The following ZAN variants were observed in gnomAD, a reference collection of about 807,000 sequenced individuals.
The protein encoded by ZAN is zonadhesin (gene/pseudogene).
Under a neutral mutation model 286.2 loss-of-function variants are expected in ZAN, and 260 were observed. The ratio of observed to expected loss-of-function variants is 0.91; its 90% CI spans 0.82 to 1.01. The LOEUF is 1.01. Ranked by LOEUF, ZAN falls within the 50% of genes least tolerant of loss-of-function variation. ZAN has a pLI of 0.00. For synonymous variants in ZAN, 1,368 were observed against 1,417.5 expected (o/e 0.97, Z 0.79); for missense variants, 3,410 against 3,639.2 (o/e 0.94, Z 1.62).
intron 42 of ZAN, among the ~76,000 whole-genome samples, chr7:100,792,998 G>GA (rs1233962121): frequency 1.0e-5 from 1 of 95,376 alleles, no homozygotes; most frequent in Non-Finnish European, 2.4e-5. Flanking sequence ...AAAAAAAAAA[G>GA]AAAGAAAGAA....
chr7:100,759,848 G>A lies in ZAN; in HGVS notation c.3696+3G>A. ...TGCTTAAGGGCAGACGCACTCTGGT[G>A]AGCCCCATTCCACCCCCACCATCCT... On this transcript the variant is annotated splice_donor_region_variant and intron_variant, in intron 18 of 47. Coordinates refer to ENST00000613979, the MANE Select transcript of ZAN (RefSeq NM_003386.3). 1 of 1,612,278 alleles carries A rather than the reference G, an allele frequency of 6.2e-7. No individual in the cohort carries two copies. The highest frequency in any genetic ancestry group is 1.1e-5 in the South Asian group (1 of 90,714).
In ZAN at chr7:100,792,391, CCT is replaced by C; in HGVS notation, c.7713-9_7713-8del. ...CAAACTGACTGTGCCCTTCCTGCCC[CCT>C]CTCTGCACCAGGCACTGCGTGCTGG... is the stretch of plus-strand genomic sequence containing the variant. On this transcript the variant is annotated splice_polypyrimidine_tract_variant and intron_variant, in intron 41 of 47. Transcript: ENST00000613979. 2 of 1,596,996 alleles carry C rather than the reference CCT, an allele frequency of 1.3e-6. No individual in the cohort carries two copies. The highest frequency in any genetic ancestry group is 2.2e-5 in the South Asian group (2 of 89,578).
intron 11 of ZAN, among the ~76,000 whole-genome samples, chr7:100,749,652 ATATAT>A (rs1440697958): frequency 4.8e-5 from 5 of 104,656 alleles, no homozygotes; most frequent in South Asian, 3.1e-4. Context: ...AAAAAAAAAA[ATATAT>A]ATATATATAT....
At chr7:100,744,449 A>G (rs1219357634) in intron 7 of ZAN, among the ~76,000 whole-genome samples, 1 of 150,766 alleles carries the variant, frequency 6.6e-6, no homozygotes, top group Non-Finnish European at 1.5e-5. Flanking sequence ...AATACAAAAA[A>G]TTAGCTGGGC....
intron 29 of ZAN, among the ~76,000 whole-genome samples, chr7:100,773,017 G>A (rs992733784): frequency 1.3e-5 from 2 of 151,460 alleles, no homozygotes; most frequent in Non-Finnish European, 2.9e-5. Context: ...GACTACAGGC[G>A]TGTGCCACCC....
chr7:100,739,610 C>T (rs1289168215), intron 7 of ZAN, among the ~76,000 whole-genome samples: 1 of 135,532 alleles, frequency 7.4e-6, no homozygotes, highest in Admixed American at 7.2e-5. Flanking sequence ...TCCCAAAGTG[C>T]TGGGATTACA....
At chr7:100,758,503 C>T in intron 16 of ZAN, 28 bp from the exon 17 acceptor site, 1 of 1,554,460 alleles carries the variant, frequency 6.4e-7, no homozygotes, top group South Asian at 1.2e-5. Flanking sequence ...ACAGAAGCAG[C>T]TTCGCCTGTT....
At chr7:100,757,011 G>T (rs1206256940) in intron 15 of ZAN, among the ~76,000 whole-genome samples, 1 of 152,032 alleles carries the variant, frequency 6.6e-6, no homozygotes, top group East Asian at 1.9e-4. Flanking sequence ...CAGGCGATCC[G>T]CCCGCCTCAG....
chr7:100,784,860 G>T, intron 36 of ZAN, 26 bp downstream of exon 36: 1 of 1,557,348 alleles, frequency 6.4e-7, no homozygotes. Flanking sequence ...AAATGGGACT[G>T]GAGGCAACAC....
chr7:100,796,716 A>G (rs1302544275), intron 45 of ZAN, among the ~76,000 whole-genome samples: 1 of 152,118 alleles, frequency 6.6e-6, no homozygotes, highest in Non-Finnish European at 1.5e-5. Context: ...GTGCCCAACC[A>G]GAATCTGCAT....
rs779401905 is a variant in ZAN, at chr7:100,791,954, T to C, written c.7530-12T>C. 12 of 1,603,294 alleles carry C rather than the reference T, an allele frequency of 7.5e-6. 1 individual carries two copies. In the Middle Eastern group the frequency reaches 1.2e-3, roughly 160 times the overall value. ...GGGGCCTCACCTGACCCCGTGGCTGTCTCTACTGCAGGGCTATACCAGCGG... is the reference window on the plus strand; with the variant it reads ...GGGGCCTCACCTGACCCCGTGGCTGCCTCTACTGCAGGGCTATACCAGCGG... On this transcript the variant is annotated splice_polypyrimidine_tract_variant and intron_variant, in intron 40 of 47. Transcript: ENST00000613979.
intron 44 of ZAN, among the ~76,000 whole-genome samples, 181 bp downstream of exon 44, chr7:100,794,439 C>T (rs537610709): frequency 2.0e-4 from 31 of 152,252 alleles, no homozygotes; most frequent in African/African-American, 6.7e-4. Flanking sequence ...CATGACCTAC[C>T]GAATCCTTCC....
At chr7:100,771,679 A>C (rs1434232346) in intron 28 of ZAN, among the ~76,000 whole-genome samples, 165 bp from the exon 29 acceptor site, 1 of 151,728 alleles carries the variant, frequency 6.6e-6, no homozygotes, top group Non-Finnish European at 1.5e-5. Context: ...TGATCTGCCC[A>C]CCTCGGCCTC....
rs1219931893 is a variant in ZAN, at chr7:100,795,252, GCCA to G, written c.8185_8187del (p.Thr2729del). On this transcript the variant is annotated inframe_deletion, in exon 45 of 48. Coordinates refer to ENST00000613979, the MANE Select transcript of ZAN (RefSeq NM_003386.3). ...TGACGGGCAGTGTCGGGAGCAGGGA[GCCA>G]CCTTCACCTGCGAGTGTGAAGTTGG... 2 of 1,611,338 alleles carry G rather than the reference GCCA, an allele frequency of 1.2e-6. No individual in the cohort carries two copies. Among genetic ancestry groups the G allele is most frequent in the South Asian group, 2.2e-5 (2 of 90,710 alleles).
chr7:100,776,169 T>A (rs1810768214), intron 33 of ZAN, among the ~76,000 whole-genome samples: 1 of 150,958 alleles, frequency 6.6e-6, no homozygotes, highest in Non-Finnish European at 1.5e-5. Context: ...AAAAAAAAAA[T>A]TAGTTGGGGG....
In ZAN at chr7:100,768,032, C is replaced by T. The variant is rs761845629; in HGVS notation, c.5041+21C>T. ...GTGTGGTGAGTTTCCTGGGCACCTG[C>T]GGGGAAAGCTGGGACAATGAGTAGG... On this transcript the variant is annotated intron_variant, in intron 26 of 47. Coordinates refer to ENST00000613979, the MANE Select transcript of ZAN (RefSeq NM_003386.3). The T allele has an allele frequency of 1.6e-5, 25 of 1,600,672 alleles. No individual in the cohort carries two copies. In the Middle Eastern group the frequency reaches 8.3e-4, roughly 53 times the overall value.
At position 100,746,656 on chromosome 7, in the gene ZAN, G is replaced by A. The variant is rs201441430; in HGVS notation, c.885G>A (p.Arg295=). The A allele has an allele frequency of 2.5e-6, 4 of 1,613,806 alleles. No individual in the cohort carries two copies. In the South Asian group the frequency reaches 3.3e-5, roughly 13 times the overall value. Reference sequence around the variant, plus strand: ...GCTTTTCCTTCCACTACATCCTCCGGGGCCAGTCTCCTGGTGCAGCCCTCC... The same window carrying A: ...GCTTTTCCTTCCACTACATCCTCCGAGGCCAGTCTCCTGGTGCAGCCCTCC... The part of the protein sequence containing the change: ...CLSFSFHYIL[R]GQSPGAALHI... The change falls in exon 8 of 48, where the codon CGG becomes CGA. Residue 295 remains arginine, a synonymous_variant. Coordinates refer to ENST00000613979, the MANE Select transcript of ZAN (RefSeq NM_003386.3).
chr7:100,752,476 A>G lies in ZAN; in HGVS notation c.2371A>G (p.Thr791Ala). The change falls in exon 14 of 48, where the codon ACA becomes GCA. Residue 791 changes from threonine to alanine, a missense_variant. By Grantham distance (58) the Thr-to-Ala change is moderately conservative. Coordinates refer to ENST00000613979, the MANE Select transcript of ZAN (RefSeq NM_003386.3). ...TIPTEKPTIP[T>A]EKPTISTEEP... ...CCCCACAGAAAAACCCACCATTCCC[A>G]CAGAAAAACCCACCATCTCCACAGA... The G allele has an allele frequency of 6.2e-7, 1 of 1,604,582 alleles. No homozygotes were observed. Among genetic ancestry groups the G allele is most frequent in the Non-Finnish European group, 8.5e-7 (1 of 1,177,032 alleles).
In ZAN at chr7:100,738,559, G is replaced by A; in HGVS notation, c.712G>A (p.Gly238Arg). ...CGGGGCCAAGTGGACTCAGAAGAAAGGGTCATCAGGAAAGCCAGGCGTGGG... is the reference window on the plus strand; with the variant it reads ...CGGGGCCAAGTGGACTCAGAAGAAAAGGTCATCAGGAAAGCCAGGCGTGGG... ...ASGAKWTQKK[G>R]SSGKPGVGPD... is the part of the protein sequence containing the mutation. Residue 238 changes from glycine to arginine, a missense_variant, in exon 7 of 48, where the codon GGG becomes AGG. This residue lies in a region of ZAN where 872 missense variants were observed against 938.9 expected (regional missense o/e 0.93). Coordinates refer to ENST00000613979, the MANE Select transcript of ZAN (RefSeq NM_003386.3). The A allele has an allele frequency of 6.6e-7, 1 of 1,516,150 alleles. No individual in the cohort carries two copies. The highest frequency in any genetic ancestry group is 1.1e-5 in the South Asian group (1 of 87,752). 93.9% of individuals were successfully genotyped at this position (1,516,150 alleles called of 1,614,324 possible).
Sources: gnomAD v4.1 joint callset for allele counts (sites outside exome capture counted in the v4.1 genomes callset) on GRCh38, gnomAD v4.1.1 for gene constraint, gnomAD v4.1.1 regional missense constraint, MANE v1.5 for transcripts, NCBI Gene and HGNC (gene_info 2026-07-23, HGNC 2026-07-21) for gene names.